Variants in CSMD1 observed in about 807,000 individuals in gnomAD.
CSMD1 encodes the protein CUB and sushi domain-containing protein 1.
A neutral mutation model predicts 417.5 loss-of-function variants in CSMD1; 213 were observed. That is an observed-to-expected ratio of 0.51 (90% CI 0.46 to 0.57). The LOEUF (loss-of-function observed/expected upper bound fraction) is 0.57, where lower values mean the gene tolerates loss of function less well. Ranked by LOEUF, CSMD1 falls within the 20% of genes least tolerant of loss-of-function variation. CSMD1 has a pLI of 0.00. For synonymous variants in CSMD1, 2,862 were observed against 1,736.8 expected (o/e 1.65, Z -16.11); for missense variants, 6,923 against 4,529.7 (o/e 1.53, Z -15.17).
At chr8:3,249,314 T>C (rs569455416) in intron 26 of CSMD1, among the ~76,000 whole-genome samples, 97 of 152,258 alleles carry the variant, frequency 6.4e-4, no homozygotes, top group Middle Eastern at 3.4e-3. Flanking sequence ...CTCTGCCTCC[T>C]GGGTTCATGT....
intron 5 of CSMD1, among the ~76,000 whole-genome samples, chr8:3,980,877 G>A (rs115220449): frequency 0.015 from 2,226 of 152,212 alleles, 47 homozygotes; most frequent in African/African-American, 0.048. Context: ...GAATGAAGGT[G>A]GAGACTGTTT....
chr8:4,363,504 T>A (rs776366647), intron 3 of CSMD1, among the ~76,000 whole-genome samples: 7 of 152,166 alleles, frequency 4.6e-5, no homozygotes, highest in Non-Finnish European at 8.8e-5. Flanking sequence ...AGCATACTTT[T>A]ATTGTTTGCA....
intron 7 of CSMD1, among the ~76,000 whole-genome samples, chr8:3,617,156 A>G (rs546429033): frequency 3.5e-4 from 53 of 152,090 alleles, no homozygotes; most frequent in African/African-American, 1.2e-3. Context: ...CTTAGAGAGA[A>G]GAAAGTCTTC....
chr8:4,710,743 T>A (rs117941933), intron 1 of CSMD1, among the ~76,000 whole-genome samples: 1,673 of 151,326 alleles, frequency 0.011, 17 homozygotes, highest in Non-Finnish European at 0.016. Context: ...TACTTGGGAG[T>A]CTGAGGCAGG....
At chr8:4,208,127 T>C (rs1800091506) in intron 3 of CSMD1, among the ~76,000 whole-genome samples, 1 of 152,150 alleles carries the variant, frequency 6.6e-6, no homozygotes, top group Non-Finnish European at 1.5e-5. Context: ...CACATGATGA[T>C]TTTCTTAATA....
chr8:4,194,588 C>T (rs1799221837), intron 3 of CSMD1, among the ~76,000 whole-genome samples: 1 of 152,188 alleles, frequency 6.6e-6, no homozygotes, highest in African/African-American at 2.4e-5. Context: ...TCTTTTGTTT[C>T]CCCTTTGACA....
chr8:3,638,710 T>A (rs1006262120), intron 7 of CSMD1, among the ~76,000 whole-genome samples: 2 of 152,062 alleles, frequency 1.3e-5, no homozygotes, highest in African/African-American at 4.8e-5. Context: ...GCAAAAGGCT[T>A]GTGGTCAGAA....
At chr8:4,992,268 C>A (rs990618577) in intron 1 of CSMD1, among the ~76,000 whole-genome samples, 7 of 152,226 alleles carry the variant, frequency 4.6e-5, no homozygotes, top group Non-Finnish European at 1.0e-4. Flanking sequence ...TGCAGCCCAC[C>A]CGCGTGGGGG....
At chr8:4,730,271 C>G (rs577987844) in intron 1 of CSMD1, among the ~76,000 whole-genome samples, 1 of 152,034 alleles carries the variant, frequency 6.6e-6, no homozygotes, top group African/African-American at 2.4e-5. Context: ...GTTCAGGGAA[C>G]TCAGAACAAC....
At chr8:3,626,067 G>A (rs1483088784) in intron 7 of CSMD1, among the ~76,000 whole-genome samples, 1 of 152,134 alleles carries the variant, frequency 6.6e-6, no homozygotes, top group Non-Finnish European at 1.5e-5. Flanking sequence ...CATTTTATAA[G>A]AGCCTGGAGA....
intron 3 of CSMD1, among the ~76,000 whole-genome samples, chr8:4,313,812 G>A (rs78505191): frequency 0.26 from 40,143 of 151,544 alleles, 6,038 homozygotes; most frequent in African/African-American, 0.42. Context: ...TCAGGAGTTC[G>A]AGACTAGCCT....
intron 2 of CSMD1, among the ~76,000 whole-genome samples, chr8:4,546,342 G>T (rs1313673827): frequency 6.6e-6 from 1 of 152,130 alleles, no homozygotes; most frequent in South Asian, 2.1e-4. Context: ...CTGGGGTAAG[G>T]GTTGCCCAGA....
At chr8:4,407,905 C>G (rs184201301) in intron 3 of CSMD1, among the ~76,000 whole-genome samples, 1 of 152,162 alleles carries the variant, frequency 6.6e-6, no homozygotes, top group East Asian at 1.9e-4. Context: ...ATAACACATC[C>G]AAAGCTGAAA....
At chr8:3,027,299 T>A (rs1163417030) in intron 51 of CSMD1, among the ~76,000 whole-genome samples, 1 of 152,162 alleles carries the variant, frequency 6.6e-6, no homozygotes, top group Admixed American at 6.5e-5. Context: ...GGTTCTCTGA[T>A]ACCATTCTCC....
intron 3 of CSMD1, among the ~76,000 whole-genome samples, chr8:4,172,094 G>C (rs1647297): frequency 0.18 from 27,153 of 152,036 alleles, 2,680 homozygotes; most frequent in East Asian, 0.31. Flanking sequence ...GTATCACGGA[G>C]AGTTTATCAT....
At chr8:3,900,547 G>A (rs556157221) in intron 5 of CSMD1, among the ~76,000 whole-genome samples, 1 of 151,876 alleles carries the variant, frequency 6.6e-6, no homozygotes, top group East Asian at 1.9e-4. Flanking sequence ...GTGAAGCTAG[G>A]TGACAGTGCA....
At chr8:3,315,496 T>G (rs1805690066) in intron 23 of CSMD1, among the ~76,000 whole-genome samples, 1 of 151,408 alleles carries the variant, frequency 6.6e-6, no homozygotes, top group Non-Finnish European at 1.5e-5. Flanking sequence ...ATTTATGGTT[T>G]TTTAAGCTAC....
intron 1 of CSMD1, among the ~76,000 whole-genome samples, chr8:4,993,860 ACCAAAACCC>A: frequency 6.6e-6 from 1 of 152,116 alleles, no homozygotes; most frequent in East Asian, 1.9e-4. Flanking sequence ...GCCTATTGGT[ACCAAAACCC>A]CCGTAGAGAG....
chr8:4,151,267 A>C (rs945542484), intron 3 of CSMD1, among the ~76,000 whole-genome samples: 1 of 152,326 alleles, frequency 6.6e-6, no homozygotes, highest in African/African-American at 2.4e-5. Flanking sequence ...TATTCAGACT[A>C]CTTTAGACCA....
Sources: allele counts gnomAD v4.1 joint callset (sites outside exome capture counted in the v4.1 genomes callset), GRCh38; gene constraint gnomAD v4.1.1; transcripts MANE v1.5; gene names NCBI Gene and HGNC (gene_info 2026-07-23, HGNC 2026-07-21).